The following SPAG1 variants were observed in gnomAD, a reference collection of about 807,000 sequenced individuals.
SPAG1 encodes the protein sperm-associated antigen 1.
SPAG1 carries 69 observed loss-of-function variants against 100.5 expected under a neutral mutation model. The ratio of observed to expected loss-of-function variants is 0.69; its 90% CI spans 0.57 to 0.84. The LOEUF (loss-of-function observed/expected upper bound fraction) is 0.84, where lower values mean the gene tolerates loss of function less well. Among genes scored for constraint, SPAG1 ranks in the 40% least tolerant of loss-of-function variants. SPAG1 has a pLI of 0.00. For synonymous variants in SPAG1, 336 were observed against 411.6 expected (o/e 0.82, Z 2.22); for missense variants, 955 against 1,133.1 (o/e 0.84, Z 2.26).
intron 12 of SPAG1, among the ~76,000 whole-genome samples, chr8:100,217,260 A>G (rs1425775954): frequency 1.3e-5 from 2 of 152,126 alleles, no homozygotes; most frequent in Non-Finnish European, 2.9e-5. Flanking sequence ...TTATCACCAG[A>G]TAAGTGGTAT....
rs1166537177 is a variant in SPAG1 at position 100,240,475 on chromosome 8, G to C, written c.2353G>C (p.Gly785Arg). Residue 785 changes from glycine (G) to arginine (R), a missense_variant, in exon 18 of 19, where the codon GGA (glycine) becomes CGA (arginine). Gly to Arg is a moderately radical substitution (Grantham distance 125, BLOSUM62 -2). Transcript: ENST00000388798. ...VSMGCLASEK[G>R]GKSSRSPEDP... Reference sequence around the variant, plus strand: ...CATGGGATGCCTTGCTTCTGAGAAGGGAGGCAAAAGCAGCAGGTCACCAGA... The same window carrying C: ...CATGGGATGCCTTGCTTCTGAGAAGCGAGGCAAAAGCAGCAGGTCACCAGA... 2 of 1,613,916 alleles carry C rather than the reference G, an allele frequency of 1.2e-6. No homozygotes were observed. The highest frequency in any genetic ancestry group is 3.3e-5 in the Admixed American group (2 of 59,998).
At position 100,225,243 on chromosome 8, in the gene SPAG1, C is replaced by T. The variant is rs141555196; in HGVS notation, c.1759C>T (p.Pro587Ser). 1,725 of 1,613,744 alleles carry T rather than the reference C, an allele frequency of 1.1e-3. 57 individuals carry two copies. In the East Asian group the frequency reaches 0.035, roughly 33 times the overall value. ...REKLSPIPAV[P>S]ASVPLQAWHP... ...GAAGCTGTCACCTATTCCTGCTGTG[C>T]CTGCTTCTGTGCCACTGCAAGCTTG... Residue 587 changes from proline to serine, a missense_variant, in exon 14 of 19, where the codon CCT becomes TCT. Physicochemically the swap from Pro to Ser is moderately conservative, Grantham distance 74. Transcript: ENST00000388798.
chr8:100,220,170 C>T (rs966082823), intron 12 of SPAG1, 109 bp from the exon 13 acceptor site: 12 of 867,442 alleles, frequency 1.4e-5, no homozygotes, highest in Admixed American at 6.0e-5. Flanking sequence ...GACGAAGTCT[C>T]GGATGTGTAC....
intron 14 of SPAG1, among the ~76,000 whole-genome samples, chr8:100,228,227 A>G (rs868405091): frequency 6.6e-6 from 1 of 152,192 alleles, no homozygotes; most frequent in Middle Eastern, 3.4e-3. Context: ...ATTTTATACA[A>G]TTTGTGCAGA....
chr8:100,240,511 A>G lies in SPAG1; in HGVS notation c.2389A>G (p.Lys797Glu). Residue 797 changes from lysine to glutamate, a missense_variant, in exon 18 of 19, where the codon AAA becomes GAA. Transcript: ENST00000388798. ...KSSRSPEDPE[K>E]LPIAKPNNAY... The stretch of plus-strand genomic sequence containing the variant: ...CAGCAGGTCACCAGAAGACCCTGAG[A>G]AACTTCCGATAGCCAAGCCTAATAA... 6.2e-7 allele frequency: 1 copy of G among 1,614,188 alleles called. No individual in the cohort carries two copies. The highest frequency in any genetic ancestry group is 8.5e-7 in the Non-Finnish European group (1 of 1,180,014).
Position 100,165,949 on chromosome 8 carries a change from G to C in SPAG1, c.276G>C (p.Trp92Cys). ...CAGCCAGTTTTACAGCTGAAGAATG[G>C]GAAAAAATTGATGGTGATATAAAGG... ...ATAASFTAEE[W>C]EKIDGDIKSW... The change falls in exon 3 of 19, where the codon TGG (tryptophan) becomes TGC (cysteine). Residue 92 changes from tryptophan to cysteine, a missense_variant. Trp to Cys is a radical substitution (Grantham distance 215). Coordinates refer to ENST00000388798, the MANE Select transcript of SPAG1 (RefSeq NM_003114.5). 2 of 1,612,508 alleles carry C rather than the reference G, an allele frequency of 1.2e-6. No individual in the cohort carries two copies. The highest frequency in any genetic ancestry group is 1.7e-6 in the Non-Finnish European group (2 of 1,179,504).
chr8:100,185,765 T>C (rs1345609204), intron 7 of SPAG1, among the ~76,000 whole-genome samples: 1 of 152,170 alleles, frequency 6.6e-6, no homozygotes, highest in African/African-American at 2.4e-5. Context: ...TTTTTTTCAA[T>C]GTTGTTGGTG....
At position 100,220,273 on chromosome 8, in the gene SPAG1, C is replaced by G. The variant is rs777484911; in HGVS notation, c.1536-6C>G. The stretch of plus-strand genomic sequence containing the variant: ...AAATGGTATGTAATATTTTTGTCTT[C>G]TTTAGGGCTCTGGAACTTCATCCAT... On this transcript the variant is annotated splice_region_variant and splice_polypyrimidine_tract_variant and intron_variant, in intron 12 of 18. Coordinates refer to ENST00000388798, the MANE Select transcript of SPAG1 (RefSeq NM_003114.5). The G allele has an allele frequency of 6.2e-7, 1 of 1,603,292 alleles. No individual in the cohort carries two copies. Among genetic ancestry groups the G allele is most frequent in the Non-Finnish European group, 8.5e-7 (1 of 1,177,022 alleles).
intron 10 of SPAG1, among the ~76,000 whole-genome samples, chr8:100,195,358 A>G (rs1004817703): frequency 6.6e-6 from 1 of 152,174 alleles, no homozygotes; most frequent in South Asian, 2.1e-4. Flanking sequence ...CAGTTCATTC[A>G]ATTTTAAAAA....
intron 16 of SPAG1, among the ~76,000 whole-genome samples, chr8:100,235,048 G>A (rs548044366): frequency 4.2e-4 from 64 of 152,282 alleles, no homozygotes; most frequent in African/African-American, 1.5e-3. Context: ...ATAACAAAGC[G>A]CCATAGACTG....
chr8:100,179,302 G>A (rs1208559698), intron 4 of SPAG1, among the ~76,000 whole-genome samples: 1 of 152,158 alleles, frequency 6.6e-6, no homozygotes, highest in Non-Finnish European at 1.5e-5. Flanking sequence ...AGAATCGCTT[G>A]AACCTGGGAG....
chr8:100,227,732 T>C (rs1397233917), intron 14 of SPAG1, among the ~76,000 whole-genome samples: 2 of 152,080 alleles, frequency 1.3e-5, no homozygotes, highest in East Asian at 1.9e-4. Context: ...TTAAAGACAC[T>C]GGAGGATAAA....
chr8:100,213,310 G>C lies in SPAG1; in HGVS notation c.1317G>C (p.Gly439=), dbSNP rs1156687123. The C allele has an allele frequency of 2.4e-6, 3 of 1,243,476 alleles. No individual in the cohort carries two copies. The African/African-American group carries it at 4.7e-5, about 19-fold the overall frequency. 77.0% of individuals were successfully genotyped at this position (1,243,476 alleles called of 1,614,324 possible). A position where few individuals can be genotyped will look rare whatever the true frequency, so the allele number is the denominator to read the frequency against. ...GCGCCACCGGGCATCCGGGCGGCGG[G>C]CAGGGCGCGGAGAACCCTGCCGGCC... ...GGGATGHPGG[G]QGAENPAGLK... Residue 439 remains glycine, a synonymous_variant, in exon 11 of 19, where the codon GGG becomes GGC. Transcript: ENST00000388798.
intron 12 of SPAG1, among the ~76,000 whole-genome samples, chr8:100,219,578 C>A (rs559530518): frequency 1.3e-5 from 2 of 152,230 alleles, no homozygotes; most frequent in South Asian, 4.1e-4. Flanking sequence ...TATTGTAAAT[C>A]GAGGATTATA....
chr8:100,217,091 C>A (rs113100668), intron 12 of SPAG1, among the ~76,000 whole-genome samples: 1 of 151,808 alleles, frequency 6.6e-6, no homozygotes, highest in Non-Finnish European at 1.5e-5. Context: ...CACTCACCAC[C>A]GCACCTGGCT....
At chr8:100,174,284 ATGT>A (rs1418388530) in intron 3 of SPAG1, among the ~76,000 whole-genome samples, 1 of 152,230 alleles carries the variant, frequency 6.6e-6, no homozygotes, top group African/African-American at 2.4e-5. Flanking sequence ...AGAAAAGAAA[ATGT>A]TATTAGGAAA....
In SPAG1 at chr8:100,187,248, A is replaced by G. The variant is rs768114362; in HGVS notation, c.830A>G (p.Lys277Arg). 3 of 1,604,008 alleles carry G rather than the reference A, an allele frequency of 1.9e-6. No individual in the cohort carries two copies. In the South Asian group the frequency reaches 3.4e-5, roughly 18 times the overall value. Residue 277 changes from lysine (K) to arginine (R), a missense_variant and splice_region_variant, in exon 8 of 19, where the codon AAG becomes AGG. Coordinates refer to ENST00000388798, the MANE Select transcript of SPAG1 (RefSeq NM_003114.5). ...KVLELEPGNV[K>R]ALLRRATTYK... Reference sequence around the variant, plus strand: ...TTGGAGTTAGAACCTGGAAACGTAAAGGGTAAAAAATATTATAGAATTCTT... The same window carrying G: ...TTGGAGTTAGAACCTGGAAACGTAAGGGGTAAAAAATATTATAGAATTCTT...
At chr8:100,218,289 G>A (rs1818101882) in intron 12 of SPAG1, among the ~76,000 whole-genome samples, 1 of 152,014 alleles carries the variant, frequency 6.6e-6, no homozygotes, top group African/African-American at 2.4e-5. Context: ...TCATTTTCAG[G>A]ATTGTAGTTA....
At chr8:100,201,415 A>C (rs1432515668) in intron 10 of SPAG1, among the ~76,000 whole-genome samples, 3 of 152,048 alleles carry the variant, frequency 2.0e-5, no homozygotes, top group Middle Eastern at 3.2e-3. Flanking sequence ...ATGAGCCACT[A>C]TGCCTGGGCA....
Sources: gnomAD v4.1 joint callset for allele counts (sites outside exome capture counted in the v4.1 genomes callset) on GRCh38, gnomAD v4.1.1 for gene constraint, MANE v1.5 for transcripts, NCBI Gene and HGNC (gene_info 2026-07-23, HGNC 2026-07-21) for gene names.